MCHR2: variants seen among roughly 807,000 people sequenced by gnomAD.
MCHR2 encodes melanin concentrating hormone receptor 2.
Under a neutral mutation model 24.8 loss-of-function variants are expected in MCHR2, and 15 were observed. The ratio of observed to expected loss-of-function variants is 0.60; its 90% CI spans 0.40 to 0.93. The LOEUF is 0.93. Ranked by LOEUF, MCHR2 falls within the 40% of genes least tolerant of loss-of-function variation. The pLI, the probability that MCHR2 is intolerant of heterozygous loss-of-function variation, is 0.00. For missense variants in MCHR2, 386 were observed against 408.7 expected (o/e 0.94, Z 0.48); for synonymous variants, 151 against 147.6 (o/e 1.02, Z -0.17).
intron 5 of MCHR2, among the ~76,000 whole-genome samples, chr6:99,932,264 A>C (rs534717607): frequency 1.3e-5 from 2 of 152,330 alleles, no homozygotes; most frequent in East Asian, 3.9e-4. Flanking sequence ...ATTATGACTC[A>C]ATGTGTGAAA....
chr6:99,977,714 A>C (rs1339591291), intron 1 of MCHR2, among the ~76,000 whole-genome samples: 1 of 152,110 alleles, frequency 6.6e-6, no homozygotes, highest in East Asian at 1.9e-4. Context: ...CTAGTGGATA[A>C]GTCGGTTCCA....
chr6:99,987,401 G>C (rs966051796), intron 1 of MCHR2, among the ~76,000 whole-genome samples: 14 of 151,840 alleles, frequency 9.2e-5, no homozygotes, highest in African/African-American at 2.9e-4. Context: ...TTTTGGATAG[G>C]TATGTAATTA....
intron 5 of MCHR2, among the ~76,000 whole-genome samples, chr6:99,932,232 CAAAT>C (rs1323771076): frequency 1.3e-5 from 2 of 152,006 alleles, no homozygotes; most frequent in Non-Finnish European, 2.9e-5. Flanking sequence ...TTTGAGAGAC[CAAAT>C]AAATAACAAA....
chr6:99,955,464 T>C (rs1775040783), intron 2 of MCHR2, among the ~76,000 whole-genome samples: 1 of 152,192 alleles, frequency 6.6e-6, no homozygotes, highest in African/African-American at 2.4e-5. Flanking sequence ...CTGCATCTTC[T>C]GGTGATAACA....
intron 2 of MCHR2, among the ~76,000 whole-genome samples, chr6:99,950,541 C>T (rs1031510658): frequency 2.0e-5 from 3 of 152,060 alleles, no homozygotes; most frequent in Non-Finnish European, 4.4e-5. Context: ...TTCCACACTA[C>T]CACACTCAAT....
chr6:99,988,899 C>A (rs1455878996), intron 1 of MCHR2, among the ~76,000 whole-genome samples: 1 of 152,046 alleles, frequency 6.6e-6, no homozygotes, highest in Non-Finnish European at 1.5e-5. Context: ...TCCAGAATGG[C>A]CATCAGGTAG....
In MCHR2 at chr6:99,969,052, TA is replaced by T. The variant is rs553979519; in HGVS notation, c.-27-12879del. Among the ~76,000 whole-genome samples, 35 of 152,332 alleles carry T rather than the reference TA, an allele frequency of 2.3e-4. 2 individuals carry two copies. The South Asian group carries it at 5.8e-3, about 25-fold the overall frequency. ...GATGAAAAGTCTCAAATCAATAATCTAAGACAATAAATGTAATTTACCCTTA... is the reference window on the plus strand; with the variant it reads ...GATGAAAAGTCTCAAATCAATAATCTAGACAATAAATGTAATTTACCCTTA... On this transcript the variant is annotated intron_variant, in intron 1 of 5. Coordinates refer to ENST00000281806, the MANE Select transcript of MCHR2 (RefSeq NM_001040179.2).
At chr6:99,990,625 A>G (rs868562931) in intron 1 of MCHR2, among the ~76,000 whole-genome samples, 23 of 152,364 alleles carry the variant, frequency 1.5e-4, no homozygotes, top group African/African-American at 5.5e-4. Context: ...GCTGTAAGTC[A>G]TAAGAAATTT....
intron 1 of MCHR2, among the ~76,000 whole-genome samples, chr6:99,973,097 A>G (rs1464681620): frequency 6.6e-6 from 1 of 151,834 alleles, no homozygotes; most frequent in African/African-American, 2.4e-5. Context: ...TGCAGAGCTG[A>G]GTTCAATTCC....
chr6:99,992,701 C>T (rs1443164446), intron 1 of MCHR2, among the ~76,000 whole-genome samples: 1 of 152,158 alleles, frequency 6.6e-6, no homozygotes, highest in East Asian at 1.9e-4. Flanking sequence ...AATTGGAATG[C>T]TTTGTGCAGT....
Position 99,955,955 on chromosome 6 carries a change from C to G in MCHR2, c.182+11G>C. On this transcript the variant is annotated intron_variant, in intron 2 of 5. Coordinates refer to ENST00000281806, the MANE Select transcript of MCHR2 (RefSeq NM_001040179.2). The stretch of plus-strand genomic sequence containing the variant: ...TGGAAGGAAAAAAAAAAAAAAGGAG[C>G]CATTCCTTACCTTATTATAGTGAAT... 6.7e-7 allele frequency: 1 copy of G among 1,494,556 alleles called. No homozygotes were observed. The highest frequency in any genetic ancestry group is 1.4e-5 in the South Asian group (1 of 71,340). The allele number at this position is 1,494,556 out of a possible 1,614,324, so 92.6% of individuals were successfully genotyped here.
intron 1 of MCHR2, among the ~76,000 whole-genome samples, chr6:99,972,324 T>C (rs1409084354): frequency 5.3e-5 from 8 of 152,230 alleles, no homozygotes; most frequent in Non-Finnish European, 4.4e-5. Flanking sequence ...ATCCATTTCT[T>C]CTAGATTTTC....
At chr6:99,973,473 G>T (rs1433816319) in intron 1 of MCHR2, among the ~76,000 whole-genome samples, 1 of 151,996 alleles carries the variant, frequency 6.6e-6, no homozygotes, top group Non-Finnish European at 1.5e-5. Flanking sequence ...ATGTGAGATG[G>T]GTTTCCTGAA....
chr6:99,944,409 T>C (rs1774836969), intron 3 of MCHR2, among the ~76,000 whole-genome samples: 1 of 152,110 alleles, frequency 6.6e-6, no homozygotes, highest in Admixed American at 6.5e-5. Flanking sequence ...AAAAATGGTT[T>C]TTATGGTCAC....
intron 1 of MCHR2, among the ~76,000 whole-genome samples, chr6:99,972,917 G>T (rs935225174): frequency 6.6e-6 from 1 of 152,118 alleles, no homozygotes; most frequent in African/African-American, 2.4e-5. Flanking sequence ...TTGCACTGTG[G>T]TCTGTGAGAC....
intron 1 of MCHR2, among the ~76,000 whole-genome samples, chr6:99,970,678 G>A (rs1471920864): frequency 1.3e-5 from 2 of 152,090 alleles, no homozygotes; most frequent in Non-Finnish European, 2.9e-5. Context: ...TTTCTTCTAG[G>A]GTTTTTATGG....
Position 99,956,097 on chromosome 6 carries a change from G to C in MCHR2, c.51C>G (p.Asn17Lys). Residue 17 changes from asparagine (N) to lysine (K), a missense_variant, in exon 2 of 6, where the codon AAC (asparagine) becomes AAG (lysine). Transcript: ENST00000281806. The part of the protein sequence containing the change: ...SCWNTSAELL[N>K]KSWNKEFAYQ... Reference sequence around the variant, plus strand: ...AAGCAAACTCTTTATTCCAGGATTTGTTTAAAAGTTCGGCAGAGGTGTTCC... The same window carrying C: ...AAGCAAACTCTTTATTCCAGGATTTCTTTAAAAGTTCGGCAGAGGTGTTCC... 6.2e-7 allele frequency: 1 copy of C among 1,613,324 alleles called. No homozygotes were observed. The highest frequency in any genetic ancestry group is 8.5e-7 in the Non-Finnish European group (1 of 1,179,572).
At chr6:99,986,079 A>C (rs929558397) in intron 1 of MCHR2, among the ~76,000 whole-genome samples, 1 of 152,186 alleles carries the variant, frequency 6.6e-6, no homozygotes, top group East Asian at 1.9e-4. Flanking sequence ...AAAAATGCTC[A>C]ATATCACTAA....
chr6:99,966,587 A>G (rs1185379685), intron 1 of MCHR2, among the ~76,000 whole-genome samples: 1 of 152,156 alleles, frequency 6.6e-6, no homozygotes, highest in Non-Finnish European at 1.5e-5. Flanking sequence ...ATGCCCAACA[A>G]TATTTGGTAC....
Sources: gnomAD v4.1 joint callset for allele counts (sites outside exome capture counted in the v4.1 genomes callset) on GRCh38, gnomAD v4.1.1 for gene constraint, MANE v1.5 for transcripts, NCBI Gene and HGNC (gene_info 2026-07-23, HGNC 2026-07-21) for gene names.